EYA3: variants seen among roughly 807,000 people sequenced by gnomAD.
EYA3 encodes the protein EYA transcriptional coactivator and phosphatase 3.
A neutral mutation model predicts 80.0 loss-of-function variants in EYA3; 39 were observed. The ratio of observed to expected loss-of-function variants is 0.49; its 90% CI spans 0.38 to 0.64. EYA3 has a LOEUF of 0.64. Among genes scored for constraint, EYA3 ranks in the 30% least tolerant of loss-of-function variants. The pLI, the probability that EYA3 is intolerant of heterozygous loss-of-function variation, is 0.00. For missense variants in EYA3, 523 were observed against 676.1 expected, an observed-to-expected ratio of 0.77 and a Z score of 2.51; for synonymous variants, 206 against 232.8, an observed-to-expected ratio of 0.88 and a Z score of 1.05.
intron 3 of EYA3, among the ~76,000 whole-genome samples, chr1:28,044,695 T>C (rs546694791): frequency 2.6e-4 from 39 of 152,338 alleles, no homozygotes; most frequent in Non-Finnish European, 5.0e-4. Context: ...AGTTCTCGTA[T>C]CATTTCTGAA....
At chr1:28,004,232 G>T in intron 11 of EYA3, 104 bp downstream of exon 11, 1 of 748,780 alleles carries the variant, frequency 1.3e-6, no homozygotes, top group Non-Finnish European at 2.1e-6. Context: ...AAAGTGAAAA[G>T]CCAGCCAACA....
intron 17 of EYA3, among the ~76,000 whole-genome samples, chr1:27,976,828 G>A (rs1334390671): frequency 6.6e-6 from 1 of 151,966 alleles, no homozygotes; most frequent in Non-Finnish European, 1.5e-5. Context: ...AGCAATTCTT[G>A]TGCCTCAGCC....
At chr1:27,975,780 G>A (rs970583153) in intron 17 of EYA3, among the ~76,000 whole-genome samples, 1 of 151,568 alleles carries the variant, frequency 6.6e-6, no homozygotes, top group Non-Finnish European at 1.5e-5. Context: ...CACCGTGCCC[G>A]GCCGATATTT....
At position 28,027,901 on chromosome 1, in the gene EYA3, A is replaced by G; in HGVS notation, c.387T>C (p.Pro129=). The change falls in exon 7 of 18, where the codon CCT becomes CCC. Residue 129 remains proline, a synonymous_variant. Transcript: ENST00000373871. ...PFGALWPGMK[P]ESGLIQTPSP... ...ATGGAGTCTGAATTAAACCACTTTCAGGTTTCATACCTGGCCACAATGCAC... is the reference window on the plus strand; with the variant it reads ...ATGGAGTCTGAATTAAACCACTTTCGGGTTTCATACCTGGCCACAATGCAC... 1 of 1,614,140 alleles carries G rather than the reference A, an allele frequency of 6.2e-7. No homozygotes were observed.
intron 11 of EYA3, among the ~76,000 whole-genome samples, chr1:28,001,498 C>A (rs1000892918): frequency 6.9e-5 from 10 of 143,982 alleles, no homozygotes; most frequent in African/African-American, 2.8e-4. Flanking sequence ...CCTGTAATCG[C>A]AGCACTTTGG....
At position 28,047,224 on chromosome 1, in the gene EYA3, G is replaced by A. The variant is rs562828698; in HGVS notation, c.77+1159C>T. On this transcript the variant is annotated intron_variant, in intron 3 of 17. Transcript: ENST00000373871. ...CTTGGCTCACTGTAACCTCCGCCTC[G>A]TGGGTTCAAGCCATTCTCCTGCCTC... is the stretch of plus-strand genomic sequence containing the variant. Among the ~76,000 whole-genome samples, 6 of 151,328 alleles carry A rather than the reference G, an allele frequency of 4.0e-5. No individual in the cohort carries two copies. The South Asian group carries it at 1.0e-3, about 26-fold the overall frequency.
intron 16 of EYA3, among the ~76,000 whole-genome samples, chr1:27,987,027 T>C (rs531969350): frequency 6.6e-6 from 1 of 152,322 alleles, no homozygotes; most frequent in Admixed American, 6.5e-5. Context: ...AGTGTAAAGT[T>C]CTGTCATGTT....
At chr1:28,000,550 G>C (rs1031172879) in intron 11 of EYA3, among the ~76,000 whole-genome samples, 2 of 152,080 alleles carry the variant, frequency 1.3e-5, no homozygotes, top group African/African-American at 4.8e-5. Context: ...CTAACCTTGT[G>C]ATCCACCCCC....
At chr1:27,981,391 T>C (rs1175466470) in intron 16 of EYA3, among the ~76,000 whole-genome samples, 1 of 152,142 alleles carries the variant, frequency 6.6e-6, no homozygotes, top group African/African-American at 2.4e-5. Flanking sequence ...CAGGTCTCAG[T>C]ATAATAAGCA....
At chr1:28,048,015 A>G (rs1171813085) in intron 3 of EYA3, among the ~76,000 whole-genome samples, 1 of 151,920 alleles carries the variant, frequency 6.6e-6, no homozygotes, top group Non-Finnish European at 1.5e-5. Context: ...TTAATACCAA[A>G]TCTCTTGGAT....
At chr1:28,071,211 A>T (rs1455612730) in intron 1 of EYA3, among the ~76,000 whole-genome samples, 1 of 152,232 alleles carries the variant, frequency 6.6e-6, no homozygotes, top group Non-Finnish European at 1.5e-5. Flanking sequence ...GGCGTGAGCC[A>T]CTACGCCTAG....
chr1:28,081,892 T>G (rs2148956919), intron 1 of EYA3, among the ~76,000 whole-genome samples: 1 of 152,280 alleles, frequency 6.6e-6, no homozygotes, highest in South Asian at 2.1e-4. Context: ...AATGTTTAAA[T>G]ACACTGATTA....
At chr1:28,081,937 A>G (rs1487537877) in intron 1 of EYA3, among the ~76,000 whole-genome samples, 1 of 152,076 alleles carries the variant, frequency 6.6e-6, no homozygotes, top group Non-Finnish European at 1.5e-5. Context: ...GGAAGCCATT[A>G]AATTAAATTA....
At chr1:27,982,325 T>C (rs1245776158) in intron 16 of EYA3, among the ~76,000 whole-genome samples, 2 of 151,966 alleles carry the variant, frequency 1.3e-5, no homozygotes, top group Admixed American at 6.6e-5. Context: ...AAAATTTTTT[T>C]TGTAGAGATG....
rs142205436 is a variant in EYA3 at position 28,045,469 on chromosome 1, T to C, written c.78-2819A>G. On this transcript the variant is annotated intron_variant, in intron 3 of 17. Coordinates refer to ENST00000373871, the MANE Select transcript of EYA3 (RefSeq NM_001990.4). ...CACTGTTATACCCACTGTTGAAGAC[T>C]ATTTGTAGATCTTATATTTTAGAAG... Among the ~76,000 whole-genome samples the C allele has an allele frequency of 1.3e-4, 20 of 152,348 alleles. No individual in the cohort carries two copies. The East Asian group carries it at 3.5e-3, about 26-fold the overall frequency.
intron 7 of EYA3, among the ~76,000 whole-genome samples, chr1:28,022,444 G>A (rs1382385330): frequency 3.9e-5 from 6 of 151,922 alleles, no homozygotes; most frequent in Non-Finnish European, 5.9e-5. Flanking sequence ...CACCGCGCCC[G>A]GCCTAAAAGA....
Position 28,041,501 on chromosome 1 carries a change from C to T in EYA3, c.157+1070G>A, listed in dbSNP as rs1239436307. On this transcript the variant is annotated intron_variant, in intron 4 of 17. Coordinates refer to ENST00000373871, the MANE Select transcript of EYA3 (RefSeq NM_001990.4). ...CCGGGAGGCGGAGGTTGTAGTGAGTCGAGATTGTGCCACTGCACTCCAACC... is the reference window on the plus strand; with the variant it reads ...CCGGGAGGCGGAGGTTGTAGTGAGTTGAGATTGTGCCACTGCACTCCAACC... 2.0e-5 allele frequency among the ~76,000 whole-genome samples: 3 copies of T among 151,622 alleles called. No individual in the cohort carries two copies. The East Asian group carries it at 5.8e-4, about 29-fold the overall frequency.
chr1:27,976,997 C>T lies in EYA3; in HGVS notation c.1641+1377G>A, dbSNP rs575994347. 9 of 984,884 alleles carry T rather than the reference C, an allele frequency of 9.1e-6. 1 individual carries two copies. The South Asian group carries it at 3.8e-4, about 41-fold the overall frequency. The allele number at this position is 984,884 out of a possible 1,614,324, so 61.0% of individuals were successfully genotyped here. ...CCTCCCCAAGTGCTAGGATTATAGG[C>T]ATGAGCCACCGTGCCCAGCCTCAAT... On this transcript the variant is annotated intron_variant, in intron 17 of 17. Coordinates refer to ENST00000373871, the MANE Select transcript of EYA3 (RefSeq NM_001990.4).
intron 2 of EYA3, among the ~76,000 whole-genome samples, chr1:28,050,748 C>T (rs1348334224): frequency 6.6e-6 from 1 of 152,060 alleles, no homozygotes; most frequent in Non-Finnish European, 1.5e-5. Context: ...TTATGCCCCC[C>T]TCTAAGGCAG....
Sources: allele counts gnomAD v4.1 joint callset (sites outside exome capture counted in the v4.1 genomes callset), GRCh38; gene constraint gnomAD v4.1.1; transcripts MANE v1.5; gene names NCBI Gene and HGNC (gene_info 2026-07-23, HGNC 2026-07-21).